The following RIGI variants were observed in gnomAD, a reference collection of about 807,000 sequenced individuals.
RIGI encodes the protein antiviral innate immune response receptor RIG-I.
the RIGI span, among the ~76,000 whole-genome samples, chr9:32,511,057 G>A: frequency 6.6e-6 from 1 of 152,146 alleles, no homozygotes; most frequent in Non-Finnish European, 1.5e-5. Context: ...AAATACATAT[G>A]CACCCAATAC....
the RIGI span, chr9:32,480,145 C>T: frequency 6.6e-7 from 1 of 1,509,954 alleles, no homozygotes. Flanking sequence ...ATATTAAATG[C>T]AATACATGTT....
chr9:32,523,542 C>T, the RIGI span, among the ~76,000 whole-genome samples: 1 of 152,120 alleles, frequency 6.6e-6, no homozygotes. Context: ...CCACCCTGTC[C>T]TCACCCTTAC....
At chr9:32,488,933 G>A in the RIGI span, 2 of 1,504,404 alleles carry the variant, frequency 1.3e-6, no homozygotes, top group Admixed American at 4.3e-5. Context: ...TCATATATTA[G>A]ATATTTCTCT....
the RIGI span, among the ~76,000 whole-genome samples, chr9:32,484,874 C>G: frequency 0.016 from 2,370 of 152,086 alleles, 62 homozygotes; most frequent in African/African-American, 0.053. Flanking sequence ...TTCAGGTGAA[C>G]AGGAAAGTCA....
the RIGI span, among the ~76,000 whole-genome samples, chr9:32,511,536 G>A: frequency 6.6e-6 from 1 of 152,118 alleles, no homozygotes; most frequent in Non-Finnish European, 1.5e-5. Flanking sequence ...AAACCAATGA[G>A]AACAAAGACA....
the RIGI span, among the ~76,000 whole-genome samples, chr9:32,524,993 C>T: frequency 2.0e-5 from 3 of 152,166 alleles, no homozygotes; most frequent in African/African-American, 7.2e-5. Context: ...TGCCTTGCCA[C>T]CAAATGGTTT....
chr9:32,466,166 C>T, the RIGI span: 4 of 927,956 alleles, frequency 4.3e-6, no homozygotes, highest in East Asian at 1.0e-4. Context: ...TTAATATTCA[C>T]TAAGTATAAA....
chr9:32,480,253 A>G, the RIGI span: 1 of 1,610,152 alleles, frequency 6.2e-7, no homozygotes, highest in South Asian at 1.1e-5. Flanking sequence ...GCTCAATCTC[A>G]TCGAATCCTG....
the RIGI span, chr9:32,488,796 C>T: frequency 3.6e-5 from 58 of 1,613,064 alleles, no homozygotes; most frequent in East Asian, 8.9e-5. Context: ...GGATCTGATT[C>T]GCAAAAAAGA....
the RIGI span, among the ~76,000 whole-genome samples, chr9:32,460,770 T>TG: frequency 9.8e-5 from 14 of 143,110 alleles, no homozygotes; most frequent in South Asian, 2.2e-4. Context: ...AAAAATACAC[T>TG]GGGGAAAAAA....
the RIGI span, among the ~76,000 whole-genome samples, chr9:32,494,374 T>G: frequency 6.6e-6 from 1 of 152,118 alleles, no homozygotes; most frequent in African/African-American, 2.4e-5. Context: ...TTCCTTCTAA[T>G]TTTTCTAAGA....
the RIGI span, chr9:32,492,354 T>A: frequency 1.2e-6 from 2 of 1,611,066 alleles, no homozygotes; most frequent in Non-Finnish European, 1.7e-6. Flanking sequence ...AATGAGCGAG[T>A]CCTAAGTAGA....
the RIGI span, among the ~76,000 whole-genome samples, chr9:32,501,162 G>T: frequency 9.2e-5 from 14 of 151,930 alleles, no homozygotes; most frequent in Non-Finnish European, 1.8e-4. Context: ...CTACAGTTTG[G>T]TGTGGAGGTC....
the RIGI span, among the ~76,000 whole-genome samples, chr9:32,464,676 C>CT: frequency 2.6e-5 from 4 of 152,224 alleles, no homozygotes; most frequent in Admixed American, 1.3e-4. Context: ...CGCGCCCGGC[C>CT]TTTACTAAGC....
chr9:32,459,580 G>A, the RIGI span: 38 of 1,486,620 alleles, frequency 2.6e-5, no homozygotes, highest in Non-Finnish European at 3.4e-5. Flanking sequence ...AACAGGCACA[G>A]ATACGTACAA....
the RIGI span, among the ~76,000 whole-genome samples, chr9:32,525,576 C>A: frequency 6.6e-6 from 1 of 152,204 alleles, no homozygotes; most frequent in Non-Finnish European, 1.5e-5. Flanking sequence ...TCTCCAGCTT[C>A]CACTTCTTTA....
the RIGI span, among the ~76,000 whole-genome samples, chr9:32,513,841 C>G: frequency 6.6e-6 from 1 of 152,130 alleles, no homozygotes; most frequent in African/African-American, 2.4e-5. Flanking sequence ...TGACAAAGGG[C>G]TAATATCCAG....
the RIGI span, among the ~76,000 whole-genome samples, chr9:32,524,640 A>G: frequency 8.8e-6 from 1 of 113,372 alleles, no homozygotes; most frequent in African/African-American, 3.8e-5. Context: ...CAAGAGTCTC[A>G]CGATGTCACC....
At chr9:32,513,214 A>C in the RIGI span, among the ~76,000 whole-genome samples, 4 of 152,134 alleles carry the variant, frequency 2.6e-5, no homozygotes, top group Non-Finnish European at 4.4e-5. Flanking sequence ...GAATTGGAAA[A>C]AACTACTTTA....
Sources: gnomAD v4.1 joint callset for allele counts (sites outside exome capture counted in the v4.1 genomes callset) on GRCh38, gnomAD v4.1.1 for gene constraint, MANE v1.5 for transcripts, NCBI Gene and HGNC (gene_info 2026-07-23, HGNC 2026-07-21) for gene names.